The following HIRA variants were observed in gnomAD, a reference collection of about 807,000 sequenced individuals.
HIRA encodes the protein histone cell cycle regulator, also known as protein HIRA.
A neutral mutation model predicts 126.6 loss-of-function variants in HIRA; 13 were observed. The observed-to-expected ratio is 0.10, with a 90% confidence interval of 0.07 to 0.16. The LOEUF is 0.16. Among genes scored for constraint, HIRA ranks in the 10% least tolerant of loss-of-function variants. The pLI, the probability that HIRA is intolerant of heterozygous loss-of-function variation, is 1.00. For missense variants in HIRA, 834 were observed against 1,314.4 expected (o/e 0.63, Z 5.65); for synonymous variants, 511 against 520.0 (o/e 0.98, Z 0.24).
rs1244761615 is a variant in HIRA at position 19,407,278 on chromosome 22, G to A, written c.212-4C>T. On this transcript the variant is annotated splice_region_variant and splice_polypyrimidine_tract_variant and intron_variant, in intron 3 of 24. Coordinates refer to ENST00000263208, the MANE Select transcript of HIRA (RefSeq NM_003325.4). The stretch of plus-strand genomic sequence containing the variant: ...CACCGCACACAGTTCACACATGCTG[G>A]GAAGAAAAAAAAATAAGGTGATGAA... The A allele has an allele frequency of 6.2e-7, 1 of 1,609,324 alleles. No individual in the cohort carries two copies. Among genetic ancestry groups the A allele is most frequent in the East Asian group, 2.2e-5 (1 of 44,844 alleles).
chr22:19,354,986 TG>T (rs1169171058), intron 21 of HIRA, among the ~76,000 whole-genome samples: 1 of 152,060 alleles, frequency 6.6e-6, no homozygotes, highest in Admixed American at 6.6e-5. Flanking sequence ...TTGCCCAAGC[TG>T]GTCTCAAACT....
At chr22:19,424,380 A>T (rs780071383) in intron 1 of HIRA, among the ~76,000 whole-genome samples, 4 of 152,308 alleles carry the variant, frequency 2.6e-5, no homozygotes, top group Admixed American at 6.5e-5. Context: ...CTCACTGAAA[A>T]CATTCTCGAT....
intron 13 of HIRA, among the ~76,000 whole-genome samples, chr22:19,382,771 CT>C (rs796469831): frequency 0.026 from 2,644 of 101,998 alleles, 40 homozygotes; most frequent in African/African-American, 0.12. Context: ...ATTTTTCTTT[CT>C]TTTTTTTTTT....
intron 1 of HIRA, among the ~76,000 whole-genome samples, chr22:19,417,064 G>A (rs2089404118): frequency 6.6e-6 from 1 of 151,900 alleles, no homozygotes. Context: ...GCCAAGCGTG[G>A]TGGTGGGTGC....
chr22:19,402,605 T>C (rs369228206), intron 5 of HIRA, among the ~76,000 whole-genome samples: 18 of 152,366 alleles, frequency 1.2e-4, no homozygotes, highest in African/African-American at 3.6e-4. Context: ...CCTATGGTTT[T>C]TCCTAATATG....
chr22:19,345,380 G>C (rs963642222), intron 24 of HIRA, among the ~76,000 whole-genome samples: 3 of 152,164 alleles, frequency 2.0e-5, no homozygotes, highest in Middle Eastern at 3.2e-3. Context: ...CTCACCCTTC[G>C]GCTCTCAGTA....
At chr22:19,411,420 A>AAGCT (rs1556025725) in intron 1 of HIRA, among the ~76,000 whole-genome samples, 1 of 152,232 alleles carries the variant, frequency 6.6e-6, no homozygotes, top group African/African-American at 2.4e-5. Context: ...GGATCCCATG[A>AAGCT]AGCTAGCTGG....
In HIRA at chr22:19,351,076, C is replaced by G. The variant is rs1005072374; in HGVS notation, c.2937+282G>C. On this transcript the variant is annotated intron_variant, in intron 24 of 24. Coordinates refer to ENST00000263208, the MANE Select transcript of HIRA (RefSeq NM_003325.4). This position sits in a 1 kb window ranked among gnomAD's most constrained non-coding sequence, Gnocchi z 4.8. The stretch of plus-strand genomic sequence containing the variant: ...TCCACGAAGGCAGGGAAGTACCTTC[C>G]GTCTTTTGTCTTCACAACCAAGCCC... 1.0e-6 allele frequency: 1 copy of G among 967,454 alleles called. No homozygotes were observed. The allele number at this position is 967,454 out of a possible 1,614,324, so 59.9% of individuals were successfully genotyped here.
intron 5 of HIRA, among the ~76,000 whole-genome samples, chr22:19,404,747 T>C (rs544441601): frequency 5.3e-5 from 8 of 152,296 alleles, no homozygotes; most frequent in South Asian, 4.1e-4. Flanking sequence ...CATTCTGAAC[T>C]GGTATCCGTC....
At position 19,392,056 on chromosome 22, in the gene HIRA, C is replaced by G. The variant is rs759402720; in HGVS notation, c.936+45G>C. 3.4e-6 allele frequency: 4 copies of G among 1,182,332 alleles called. No homozygotes were observed. In the South Asian group the frequency reaches 5.3e-5, roughly 16 times the overall value. 73.2% of individuals were successfully genotyped at this position (1,182,332 alleles called of 1,614,324 possible). A position where few individuals can be genotyped will look rare whatever the true frequency, so the allele number is the denominator to read the frequency against. On this transcript the variant is annotated intron_variant, in intron 9 of 24. Transcript: ENST00000263208. ...TTCCTCCACTTGCTACTTTACCAAC[C>G]TACACCTCCCGTCCTGCAACAAAAG...
Position 19,354,939 on chromosome 22 carries a change from A to C in HIRA, c.2561+821T>G, listed in dbSNP as rs899806798. On this transcript the variant is annotated intron_variant, in intron 21 of 24. Coordinates refer to ENST00000263208, the MANE Select transcript of HIRA (RefSeq NM_003325.4). ...GTGCCACTGCACCTGGCTTATTTAAAATTTTTTTTTTTTGGTAGAGACAGG... is the reference window on the plus strand; with the variant it reads ...GTGCCACTGCACCTGGCTTATTTAACATTTTTTTTTTTTGGTAGAGACAGG... Among the ~76,000 whole-genome samples the C allele has an allele frequency of 5.3e-5, 8 of 151,888 alleles. No individual in the cohort carries two copies. The South Asian group carries it at 1.7e-3, about 32-fold the overall frequency.
intron 1 of HIRA, among the ~76,000 whole-genome samples, chr22:19,420,865 T>C (rs1354363371): frequency 6.6e-6 from 1 of 152,190 alleles, no homozygotes; most frequent in Non-Finnish European, 1.5e-5. Context: ...ATCTGCAAAA[T>C]GTACTCCTAT....
At chr22:19,387,922 T>G in intron 10 of HIRA, 106 bp from the exon 11 acceptor site, 2 of 320,940 alleles carry the variant, frequency 6.2e-6, no homozygotes, top group Non-Finnish European at 1.1e-5. Flanking sequence ...AGGGAGATGC[T>G]GGAAACTCCT....
intron 1 of HIRA, among the ~76,000 whole-genome samples, chr22:19,413,652 C>T (rs7287924): frequency 8.8e-4 from 133 of 151,510 alleles, no homozygotes; most frequent in African/African-American, 3.0e-3. Flanking sequence ...CGCTCTGTCG[C>T]CCAGGCTAGA....
intron 7 of HIRA, among the ~76,000 whole-genome samples, chr22:19,395,414 T>C (rs1199408391): frequency 1.3e-5 from 2 of 151,704 alleles, no homozygotes; most frequent in African/African-American, 4.8e-5. Context: ...CTCAAGACAC[T>C]CCTAAAGCCG....
intron 1 of HIRA, among the ~76,000 whole-genome samples, chr22:19,414,870 G>C (rs1302942537): frequency 2.0e-5 from 3 of 152,110 alleles, no homozygotes; most frequent in Non-Finnish European, 4.4e-5. Flanking sequence ...CTGGGTGACA[G>C]AGTGAGACTG....
At chr22:19,339,099 G>C (rs1556006888) in intron 24 of HIRA, among the ~76,000 whole-genome samples, 2 of 152,036 alleles carry the variant, frequency 1.3e-5, no homozygotes, top group Non-Finnish European at 2.9e-5. Flanking sequence ...ATTATATCAA[G>C]TACCCTCTTA....
At chr22:19,362,971 C>A (rs866689932) in intron 15 of HIRA, among the ~76,000 whole-genome samples, 1 of 151,448 alleles carries the variant, frequency 6.6e-6, no homozygotes, top group Non-Finnish European at 1.5e-5. Flanking sequence ...CGGTGGCTCA[C>A]GCCTGTAATC....
chr22:19,334,910 T>C (rs965780649), intron 24 of HIRA, among the ~76,000 whole-genome samples: 3 of 152,060 alleles, frequency 2.0e-5, no homozygotes, highest in Non-Finnish European at 4.4e-5. Flanking sequence ...TGAATGAATG[T>C]ATTATTTTCT....
Sources: allele counts gnomAD v4.1 joint callset (sites outside exome capture counted in the v4.1 genomes callset), GRCh38; gene constraint gnomAD v4.1.1; non-coding constraint Gnocchi (gnomAD v3.1); transcripts MANE v1.5; gene names NCBI Gene and HGNC (gene_info 2026-07-23, HGNC 2026-07-21).